Variants in EIF4G3 observed in about 807,000 individuals in gnomAD.
EIF4G3 encodes eIF-4-gamma 3.
In EIF4G3, 34 loss-of-function variants were observed where a neutral mutation model predicts 186.4. That is an observed-to-expected ratio of 0.18 (90% CI 0.14 to 0.24). The LOEUF is 0.24. Ranked by LOEUF, EIF4G3 falls within the 10% of genes least tolerant of loss-of-function variation. The probability of loss-of-function intolerance (pLI) is 1.00; values close to 1 mark genes in which losing one functional copy is unlikely to be tolerated. For missense variants in EIF4G3, 1,536 were observed against 1,948.5 expected (o/e 0.79, Z 3.99); for synonymous variants, 673 against 679.5 (o/e 0.99, Z 0.15).
chr1:21,040,399 C>CT (rs2093496882), intron 4 of EIF4G3, among the ~76,000 whole-genome samples: 1 of 152,166 alleles, frequency 6.6e-6, no homozygotes. Flanking sequence ...CAACTGTATC[C>CT]TTTGTGATAT....
At position 21,136,054 on chromosome 1, in the gene EIF4G3, G is replaced by A. The variant is rs998217321; in HGVS notation, c.-272+40121C>T. Among the ~76,000 whole-genome samples the A allele has an allele frequency of 1.1e-4, 16 of 152,002 alleles. 1 individual carries two copies. In the South Asian group the frequency reaches 3.3e-3, roughly 32 times the overall value. ...AAAAATTAGCCGGGCACGGTGGCGG[G>A]CGCCTGTAGTCCCAGCTACTCGGGA... On this transcript the variant is annotated intron_variant, in intron 2 of 36. Transcript: ENST00000602326.
intron 13 of EIF4G3, among the ~76,000 whole-genome samples, chr1:20,948,615 C>T (rs1212390432): frequency 1.3e-5 from 2 of 152,084 alleles, no homozygotes; most frequent in Non-Finnish European, 2.9e-5. Context: ...GTACATCTTT[C>T]AGAAAGTTTA....
chr1:21,039,433 T>C (rs2154574848), intron 4 of EIF4G3, among the ~76,000 whole-genome samples: 1 of 152,312 alleles, frequency 6.6e-6, no homozygotes, highest in East Asian at 1.9e-4. Flanking sequence ...GAACATCAAA[T>C]TTGGCAATGT....
chr1:20,969,211 C>T (rs1025387723), intron 12 of EIF4G3, among the ~76,000 whole-genome samples: 1 of 152,046 alleles, frequency 6.6e-6, no homozygotes, highest in Non-Finnish European at 1.5e-5. Context: ...TGGCATCATG[C>T]GATAGTTCAT....
At chr1:21,068,275 A>G (rs1373240406) in intron 3 of EIF4G3, among the ~76,000 whole-genome samples, 1 of 149,052 alleles carries the variant, frequency 6.7e-6, no homozygotes, top group Non-Finnish European at 1.5e-5. Context: ...AGGCTGAGGC[A>G]TGAGTATCGC....
Position 21,002,802 on chromosome 1 carries a change from A to G in EIF4G3, c.-60T>C. The G allele has an allele frequency of 6.3e-7, 1 of 1,579,798 alleles. No homozygotes were observed. Among genetic ancestry groups the G allele is most frequent in the Non-Finnish European group, 8.7e-7 (1 of 1,152,460 alleles). On this transcript the variant is annotated 5_prime_UTR_variant, in exon 5 of 37. Transcript: ENST00000602326. ...GGACCTGCATTCTGTCCAGAGGGAT[A>G]AGGGGTCTGTCAAAAAATGGCAAGA...
chr1:21,048,454 C>CGCTGGTT (rs2094020121), intron 4 of EIF4G3, among the ~76,000 whole-genome samples: 1 of 152,034 alleles, frequency 6.6e-6, no homozygotes, highest in East Asian at 1.9e-4. Context: ...GGGTTTTGCT[C>CGCTGGTT]CCTGGTTCCT....
chr1:20,894,395 C>T (rs2087193664), intron 17 of EIF4G3, among the ~76,000 whole-genome samples: 1 of 152,152 alleles, frequency 6.6e-6, no homozygotes, highest in South Asian at 2.1e-4. Context: ...ATTCAGCTGT[C>T]CTCACATAAG....
intron 2 of EIF4G3, among the ~76,000 whole-genome samples, chr1:21,158,169 CTTT>C (rs71014163): frequency 1.0e-5 from 1 of 99,518 alleles, no homozygotes. Context: ...AAATACATAG[CTTT>C]TTTTTTTTTT....
intron 16 of EIF4G3, among the ~76,000 whole-genome samples, chr1:20,897,412 G>GAA (rs58304660): frequency 7.5e-6 from 1 of 132,576 alleles, no homozygotes; most frequent in African/African-American, 2.8e-5. Context: ...TTATTTTAGA[G>GAA]AAAAAAAAAA....
chr1:20,857,610 G>A, intron 24 of EIF4G3, 113 bp from the exon 25 acceptor site: 1 of 904,062 alleles, frequency 1.1e-6, no homozygotes, highest in East Asian at 2.4e-5. Flanking sequence ...AGATGTTAAA[G>A]CATTGATGAC....
chr1:20,963,096 G>A (rs2073796368), intron 12 of EIF4G3, among the ~76,000 whole-genome samples: 2 of 151,376 alleles, frequency 1.3e-5, no homozygotes, highest in Non-Finnish European at 1.5e-5. Context: ...TGGTCTGTAT[G>A]GTCTCTCTGT....
chr1:20,838,820 C>T (rs1471573478), intron 30 of EIF4G3, among the ~76,000 whole-genome samples: 1 of 152,030 alleles, frequency 6.6e-6, no homozygotes, highest in Non-Finnish European at 1.5e-5. Context: ...GGGACTATAG[C>T]GGCACACCAC....
intron 2 of EIF4G3, among the ~76,000 whole-genome samples, chr1:21,151,247 T>TTTTTTC (rs2097544764): frequency 8.2e-6 from 1 of 121,464 alleles, no homozygotes; most frequent in African/African-American, 3.0e-5. Flanking sequence ...TTTTTTTTTT[T>TTTTTTC]TTTTTTTTTG....
intron 21 of EIF4G3, 35 bp downstream of exon 21, chr1:20,865,081 G>C (rs753291847): frequency 6.2e-7 from 1 of 1,611,612 alleles, no homozygotes. Context: ...AGTGCTCAAA[G>C]TGTACAAGCA....
At chr1:21,048,454 CCCTGGTTCCTGGTT>C (rs535129239) in intron 4 of EIF4G3, among the ~76,000 whole-genome samples, 2 of 152,034 alleles carry the variant, frequency 1.3e-5, no homozygotes, top group South Asian at 2.1e-4. Flanking sequence ...GGGTTTTGCT[CCCTGGTTCCTGGTT>C]CCTGGTTCCT....
At chr1:20,900,805 G>A (rs2090036615) in intron 15 of EIF4G3, among the ~76,000 whole-genome samples, 1 of 152,142 alleles carries the variant, frequency 6.6e-6, no homozygotes, top group Non-Finnish European at 1.5e-5. Flanking sequence ...GAGGAGAAGA[G>A]CCAAAAACTG....
At chr1:21,001,405 A>G (rs1320300582) in intron 5 of EIF4G3, 93 bp from the exon 6 acceptor site, 1 of 440,820 alleles carries the variant, frequency 2.3e-6, no homozygotes. Flanking sequence ...TTTTTTGATA[A>G]TCAGAAATTA....
chr1:20,932,292 T>C (rs1309870224), intron 14 of EIF4G3, among the ~76,000 whole-genome samples: 1 of 152,212 alleles, frequency 6.6e-6, no homozygotes, highest in Non-Finnish European at 1.5e-5. Flanking sequence ...TGGTTTGATC[T>C]ATCCAGACCA....
Sources: allele counts gnomAD v4.1 joint callset (sites outside exome capture counted in the v4.1 genomes callset), GRCh38; gene constraint gnomAD v4.1.1; transcripts MANE v1.5; gene names NCBI Gene and HGNC (gene_info 2026-07-23, HGNC 2026-07-21).